Variants in NALF1 observed in about 807,000 individuals in gnomAD.
NALF1 encodes family with sequence similarity 155 member A.
NALF1 carries 3 observed loss-of-function variants against 48.4 expected under a neutral mutation model. The observed-to-expected ratio is 0.06, with a 90% confidence interval of 0.03 to 0.16. NALF1 has a LOEUF of 0.16. Among genes scored for constraint, NALF1 ranks in the 10% least tolerant of loss-of-function variants. The pLI is 1.00. For synonymous variants in NALF1, 262 were observed against 245.7 expected (o/e 1.07, Z -0.62); for missense variants, 526 against 571.5 (o/e 0.92, Z 0.81).
At chr13:107,210,331 G>T (rs937942859) in intron 2 of NALF1, among the ~76,000 whole-genome samples, 1 of 152,096 alleles carries the variant, frequency 6.6e-6, no homozygotes, top group Non-Finnish European at 1.5e-5. Context: ...CTAATATTTT[G>T]CCATCAGATT....
rs191584184 is a variant in NALF1 at position 107,451,894 on chromosome 13, T to C, written c.916-241139A>G. On this transcript the variant is annotated intron_variant, in intron 1 of 2. Coordinates refer to ENST00000375915, the MANE Select transcript of NALF1 (RefSeq NM_001080396.3). ...ATTCTCTTCTTTCTTACTGTGGAGA[T>C]GCAAATCCCAGAAAGAGGGTATGTG... is the stretch of plus-strand genomic sequence containing the variant. 3.9e-3 allele frequency among the ~76,000 whole-genome samples: 597 copies of C among 152,310 alleles called. 1 individual carries two copies. The highest frequency in any genetic ancestry group is 5.2e-3 in the Non-Finnish European group (356 of 68,022).
chr13:107,675,384 C>T (rs905962017), intron 1 of NALF1, among the ~76,000 whole-genome samples: 8 of 152,150 alleles, frequency 5.3e-5, no homozygotes, highest in Admixed American at 5.2e-4. Flanking sequence ...TGAAGAAATG[C>T]GATTAGAGTT....
At chr13:107,355,942 AT>A (rs750709117) in intron 1 of NALF1, among the ~76,000 whole-genome samples, 1 of 152,186 alleles carries the variant, frequency 6.6e-6, no homozygotes, top group Non-Finnish European at 1.5e-5. Flanking sequence ...GCATTTAATC[AT>A]TGATAAAGGT....
chr13:107,839,988 C>T (rs1398054436), intron 1 of NALF1, among the ~76,000 whole-genome samples: 1 of 150,910 alleles, frequency 6.6e-6, no homozygotes, highest in Non-Finnish European at 1.5e-5. Flanking sequence ...CTTATGTAGA[C>T]AAAGGGAGAT....
chr13:107,329,499 T>A lies in NALF1; in HGVS notation c.916-118744A>T, dbSNP rs538564091. Among the ~76,000 whole-genome samples the A allele has an allele frequency of 7.9e-5, 12 of 152,184 alleles. No homozygotes were observed. In the East Asian group the frequency reaches 9.7e-4, roughly 12 times the overall value. ...ACCTGGCTTCACTCTCTTTTTTTTT[T>A]TAAATTTTATTATTATTATACTTTA... is the stretch of plus-strand genomic sequence containing the variant. On this transcript the variant is annotated intron_variant, in intron 1 of 2. Coordinates refer to ENST00000375915, the MANE Select transcript of NALF1 (RefSeq NM_001080396.3).
intron 1 of NALF1, among the ~76,000 whole-genome samples, chr13:107,516,632 GT>G (rs2139092158): frequency 6.6e-6 from 1 of 152,068 alleles, no homozygotes; most frequent in African/African-American, 2.4e-5. Context: ...AAAATCCATA[GT>G]GGTGACTACT....
At chr13:107,396,754 C>G (rs1421749176) in intron 1 of NALF1, among the ~76,000 whole-genome samples, 1 of 152,190 alleles carries the variant, frequency 6.6e-6, no homozygotes, top group African/African-American at 2.4e-5. Flanking sequence ...ACAGTCCTCT[C>G]TCACCCTGCA....
chr13:107,789,237 T>G (rs1417396296), intron 1 of NALF1: 1 of 152,256 alleles, frequency 6.6e-6, no homozygotes, highest in East Asian at 1.9e-4. Flanking sequence ...TGGCTTGGCT[T>G]GAATTTACTA....
At chr13:107,186,303 T>C (rs1879170197) in intron 2 of NALF1, among the ~76,000 whole-genome samples, 1 of 152,206 alleles carries the variant, frequency 6.6e-6, no homozygotes, top group African/African-American at 2.4e-5. Flanking sequence ...TTTTCTATCA[T>C]GCTCCACTAA....
intron 1 of NALF1, among the ~76,000 whole-genome samples, chr13:107,716,815 G>A (rs1016424811): frequency 1.8e-4 from 27 of 152,034 alleles, no homozygotes; most frequent in African/African-American, 4.8e-4. Context: ...TGTTACTGAC[G>A]GCAGTGGTAG....
chr13:107,772,782 G>A (rs1175733139), intron 1 of NALF1, among the ~76,000 whole-genome samples: 2 of 152,090 alleles, frequency 1.3e-5, no homozygotes, highest in Non-Finnish European at 2.9e-5. Flanking sequence ...AGAAGCTTAG[G>A]TTCCTATGTG....
chr13:107,506,598 A>G (rs199597568), intron 1 of NALF1, among the ~76,000 whole-genome samples: 1 of 116,830 alleles, frequency 8.6e-6, no homozygotes, highest in Admixed American at 8.4e-5. Flanking sequence ...ATTTTTCTCT[A>G]TTTATTTTGG....
At chr13:107,559,235 C>T (rs978034790) in intron 1 of NALF1, among the ~76,000 whole-genome samples, 1 of 152,156 alleles carries the variant, frequency 6.6e-6, no homozygotes, top group Non-Finnish European at 1.5e-5. Flanking sequence ...CAGGGAGTAA[C>T]TCCCAAAGTT....
At chr13:107,842,548 G>A (rs1305818149) in intron 1 of NALF1, among the ~76,000 whole-genome samples, 1 of 151,172 alleles carries the variant, frequency 6.6e-6, no homozygotes, top group Non-Finnish European at 1.5e-5. Context: ...TTATTTTAGT[G>A]TCTCAAATTG....
chr13:107,365,830 A>G (rs1459011465), intron 1 of NALF1, among the ~76,000 whole-genome samples: 1 of 152,186 alleles, frequency 6.6e-6, no homozygotes, highest in Non-Finnish European at 1.5e-5. Context: ...GCACTAAAAT[A>G]TATTTTGCCT....
chr13:107,579,120 C>T (rs1878231275), intron 1 of NALF1, among the ~76,000 whole-genome samples: 1 of 152,178 alleles, frequency 6.6e-6, no homozygotes, highest in Non-Finnish European at 1.5e-5. Flanking sequence ...GAGACAGAGT[C>T]TCACTTTGTT....
At chr13:107,248,937 CAT>C (rs5806636) in intron 1 of NALF1, among the ~76,000 whole-genome samples, 18,892 of 146,964 alleles carry the variant, frequency 0.13, 1,546 homozygotes, top group East Asian at 0.4. Flanking sequence ...TTTAAGATAA[CAT>C]ATATATATAT....
chr13:107,392,898 G>C (rs1308949057), intron 1 of NALF1, among the ~76,000 whole-genome samples: 1 of 152,068 alleles, frequency 6.6e-6, no homozygotes, highest in East Asian at 1.9e-4. Flanking sequence ...TGGTGAAACA[G>C]CTCCATTTTA....
At chr13:107,211,205 T>C (rs1300733400) in intron 1 of NALF1, among the ~76,000 whole-genome samples, 2 of 152,212 alleles carry the variant, frequency 1.3e-5, no homozygotes, top group Non-Finnish European at 2.9e-5. Context: ...CGCGAAGCAC[T>C]TTATAAAGAT....
Sources: allele counts gnomAD v4.1 joint callset (sites outside exome capture counted in the v4.1 genomes callset), GRCh38; gene constraint gnomAD v4.1.1; transcripts MANE v1.5; gene names NCBI Gene and HGNC (gene_info 2026-07-23, HGNC 2026-07-21).